ABCC4: variants seen among roughly 807,000 people sequenced by gnomAD.
ABCC4 encodes ATP-binding cassette sub-family C member 4.
In ABCC4, 102 loss-of-function variants were observed where a neutral mutation model predicts 168.5. The observed-to-expected ratio is 0.61, with a 90% confidence interval of 0.52 to 0.71. The LOEUF is 0.71. Among genes scored for constraint, ABCC4 ranks in the 30% least tolerant of loss-of-function variants. The pLI is 0.00. For missense variants in ABCC4, 1,402 were observed against 1,605.8 expected (o/e 0.87, Z 2.17); for synonymous variants, 617 against 590.7 (o/e 1.04, Z -0.65).
intron 3 of ABCC4, among the ~76,000 whole-genome samples, chr13:95,239,575 C>A (rs1205003499): frequency 6.6e-6 from 1 of 152,136 alleles, no homozygotes; most frequent in African/African-American, 2.4e-5. Context: ...TCGATAGACT[C>A]CCACTAGCCA....
rs371348018 is a variant in ABCC4, at chr13:95,071,842, T to C, written c.3030A>G (p.Val1010=). The C allele has an allele frequency of 3.7e-5, 58 of 1,552,732 alleles. No individual in the cohort carries two copies. The highest frequency in any genetic ancestry group is 4.9e-5 in the Non-Finnish European group (57 of 1,154,136). Residue 1010 remains valine, a synonymous_variant, in exon 25 of 31, where the codon GTA becomes GTG. Coordinates refer to ENST00000645237, the MANE Select transcript of ABCC4 (RefSeq NM_005845.5). The part of the protein sequence containing the change: ...SAEVENMMIS[V]ERVIEYTDLE... ...GGTCTGTGTATTCAATGACCCTTTC[T>C]ACTGAGATCATCTGAAAGAAATATG...
At chr13:95,058,714 A>T (rs1337302250) in intron 26 of ABCC4, among the ~76,000 whole-genome samples, 1 of 152,108 alleles carries the variant, frequency 6.6e-6, no homozygotes, top group African/African-American at 2.4e-5. Context: ...TGATTCTACT[A>T]CTTATTAGCT....
intron 9 of ABCC4, among the ~76,000 whole-genome samples, chr13:95,193,929 G>A (rs1460860909): frequency 6.6e-6 from 1 of 152,202 alleles, no homozygotes; most frequent in African/African-American, 2.4e-5. Context: ...TATAAAACCT[G>A]CCCCATCCCC....
rs147953014 is a variant in ABCC4 at position 95,236,583 on chromosome 13, TGTGAAC to T, written c.307-1755_307-1750del. 2.8e-3 allele frequency among the ~76,000 whole-genome samples: 295 copies of T among 104,380 alleles called. 1 individual carries two copies. Among genetic ancestry groups the T allele is most frequent in the African/African-American group, 0.01 (269 of 26,176 alleles). 68.5% of individuals were successfully genotyped at this position (104,380 alleles called of 152,430 possible). ...AAATCCCAACAAGCCTGTCTCGGCATGTGAACGCGCGCGTGCGCGCACACACACACA... is the reference window on the plus strand; with the variant it reads ...AAATCCCAACAAGCCTGTCTCGGCATGCGCGCGTGCGCGCACACACACACA... On this transcript the variant is annotated intron_variant, in intron 3 of 30. Coordinates refer to ENST00000645237, the MANE Select transcript of ABCC4 (RefSeq NM_005845.5).
chr13:95,166,386 A>C lies in ABCC4; in HGVS notation c.1825-19T>G, dbSNP rs776949785. On this transcript the variant is annotated intron_variant, in intron 14 of 30. Coordinates refer to ENST00000645237, the MANE Select transcript of ABCC4 (RefSeq NM_005845.5). ...TTTTACCCTAAAATAAAAATAAAGA[A>C]TTTCAGAGAGATACATGTGCAGGTG... The C allele has an allele frequency of 5.0e-6, 8 of 1,591,642 alleles. No individual in the cohort carries two copies. Among genetic ancestry groups the C allele is most frequent in the Non-Finnish European group, 4.3e-6 (5 of 1,163,168 alleles).
chr13:95,095,843 G>T lies in ABCC4; in HGVS notation c.2536-12553C>A, dbSNP rs1267295414. 1.4e-5 allele frequency: 4 copies of T among 286,370 alleles called. No homozygotes were observed. In the East Asian group the frequency reaches 2.2e-4, roughly 16 times the overall value. 17.7% of individuals were successfully genotyped at this position (286,370 alleles called of 1,614,324 possible). A position where few individuals can be genotyped will look rare whatever the true frequency, so the allele number is the denominator to read the frequency against. On this transcript the variant is annotated intron_variant, in intron 20 of 30. Transcript: ENST00000645237. ...AAGATAAGCATTAGTACAGAAGGAA[G>T]GTATCTGCAATTCAGAATACATAAA...
Position 95,142,619 on chromosome 13 carries a change from G to A in ABCC4, c.2455+18570C>T, listed in dbSNP as rs3864995. 8.0e-3 allele frequency among the ~76,000 whole-genome samples: 1,208 copies of A among 151,654 alleles called. 24 individuals are homozygous for A. The highest frequency in any genetic ancestry group is 0.027 in the African/African-American group (1,112 of 41,120). ...ATTTTTAAATTTAACAAAAGATCATGAGTAAACCAGAAAAAAAAGAAATAG... is the reference window on the plus strand; with the variant it reads ...ATTTTTAAATTTAACAAAAGATCATAAGTAAACCAGAAAAAAAAGAAATAG... On this transcript the variant is annotated intron_variant, in intron 19 of 30. Transcript: ENST00000645237.
In ABCC4 at chr13:95,209,616, A is replaced by C. The variant is rs1371376019; in HGVS notation, c.622-19T>G. 3 of 1,602,652 alleles carry C rather than the reference A, an allele frequency of 1.9e-6. No individual in the cohort carries two copies. In the African/African-American group the frequency reaches 4.0e-5, roughly 22 times the overall value. On this transcript the variant is annotated intron_variant, in intron 5 of 30. Transcript: ENST00000645237. ...CTGTCACCTTTAAAGAAAAAGACAG[A>C]GCGTTCTTAGGACTCCAGAAAAGCA...
chr13:95,204,948 C>T (rs1029219222), intron 8 of ABCC4, among the ~76,000 whole-genome samples: 1 of 152,200 alleles, frequency 6.6e-6, no homozygotes, highest in Admixed American at 6.5e-5. Flanking sequence ...CAGAGAATTA[C>T]AGCAGCACAA....
chr13:95,125,516 T>C (rs2035727040), intron 19 of ABCC4, among the ~76,000 whole-genome samples: 1 of 141,890 alleles, frequency 7.0e-6, no homozygotes, highest in African/African-American at 2.5e-5. Flanking sequence ...AGGCCATAAC[T>C]TGTAACAAGT....
At chr13:95,244,444 C>T (rs1455227092) in intron 3 of ABCC4, among the ~76,000 whole-genome samples, 1 of 151,106 alleles carries the variant, frequency 6.6e-6, no homozygotes, top group Non-Finnish European at 1.5e-5. Context: ...ATTAACCAGG[C>T]ATGGTGGCGT....
At chr13:95,260,294 G>A (rs921263673) in intron 1 of ABCC4, among the ~76,000 whole-genome samples, 5 of 151,914 alleles carry the variant, frequency 3.3e-5, no homozygotes, top group Non-Finnish European at 5.9e-5. Flanking sequence ...TTTGTTTTTC[G>A]GTAAACTTCA....
At position 95,161,241 on chromosome 13, in the gene ABCC4, C is replaced by T. The variant is rs757118586; in HGVS notation, c.2403G>A (p.Met801Ile). The change falls in exon 19 of 31, where the codon ATG becomes ATA. Residue 801 changes from methionine (M) to isoleucine (I), a missense_variant. Met to Ile is a conservative substitution (Grantham distance 10). Around this residue, in one of 3 missense-constraint regions of ABCC4, gnomAD observed 1,007 missense variants for 1,127.3 expected, o/e 0.89. Transcript: ENST00000645237. ...VNSSQTLHNK[M>I]FESILKAPVL... Reference sequence around the variant, plus strand: ...CCGGAGCTTTCAGAATTGACTCAAACATTTTGTTGTGCAAAGTTTGTGAAG... The same window carrying T: ...CCGGAGCTTTCAGAATTGACTCAAATATTTTGTTGTGCAAAGTTTGTGAAG... 1 of 1,611,212 alleles carries T rather than the reference C, an allele frequency of 6.2e-7. No homozygotes were observed. Among genetic ancestry groups the T allele is most frequent in the Non-Finnish European group, 8.5e-7 (1 of 1,179,514 alleles).
At chr13:95,281,861 C>A (rs1327330313) in intron 1 of ABCC4, among the ~76,000 whole-genome samples, 1 of 152,166 alleles carries the variant, frequency 6.6e-6, no homozygotes, top group East Asian at 1.9e-4. Context: ...AATCCCAGCA[C>A]TTTGGGAGGC....
chr13:95,122,005 A>T (rs1469829685), intron 19 of ABCC4, among the ~76,000 whole-genome samples: 1 of 152,194 alleles, frequency 6.6e-6, no homozygotes, highest in Non-Finnish European at 1.5e-5. Context: ...AGTGTTTTCT[A>T]ATGCGGTGGG....
intron 19 of ABCC4, among the ~76,000 whole-genome samples, chr13:95,143,577 C>G (rs1434315891): frequency 1.3e-5 from 2 of 152,012 alleles, no homozygotes; most frequent in Non-Finnish European, 2.9e-5. Flanking sequence ...CTTTGGAGAG[C>G]TAAAAAAGGA....
At chr13:95,153,010 T>G (rs145648908) in intron 19 of ABCC4, among the ~76,000 whole-genome samples, 57 of 152,268 alleles carry the variant, frequency 3.7e-4, no homozygotes, top group African/African-American at 1.3e-3. Context: ...CATATTAGGC[T>G]CTCAGTAATA....
intron 25 of ABCC4, 55 bp downstream of exon 25, chr13:95,071,607 A>G (rs2033725366): frequency 7.4e-7 from 1 of 1,349,922 alleles, no homozygotes; most frequent in East Asian, 2.7e-5. Context: ...GACAACAAGC[A>G]GACATAGCAC....
intron 9 of ABCC4, among the ~76,000 whole-genome samples, chr13:95,189,121 ATTCTT>A (rs1328985844): frequency 6.1e-4 from 63 of 102,512 alleles, no homozygotes; most frequent in African/African-American, 2.3e-3. Context: ...TTAAAACAAT[ATTCTT>A]TTTTTTTTTT....
Sources: allele counts gnomAD v4.1 joint callset (sites outside exome capture counted in the v4.1 genomes callset), GRCh38; gene constraint gnomAD v4.1.1; regional missense constraint gnomAD v4.1.1; transcripts MANE v1.5; gene names NCBI Gene and HGNC (gene_info 2026-07-23, HGNC 2026-07-21).